Variants in ARHGAP26 observed in about 807,000 individuals in gnomAD.
ARHGAP26 encodes rho GTPase-activating protein 26.
A neutral mutation model predicts 104.8 loss-of-function variants in ARHGAP26; 38 were observed. The observed-to-expected ratio is 0.36, with a 90% CI of 0.28 to 0.48. The LOEUF (loss-of-function observed/expected upper bound fraction) is 0.48, where lower values mean the gene tolerates loss of function less well. Ranked by LOEUF, ARHGAP26 falls within the 20% of genes least tolerant of loss-of-function variation. ARHGAP26 has a pLI of 0.99. For missense variants in ARHGAP26, 704 were observed against 947.9 expected (o/e 0.74, Z 3.38); for synonymous variants, 341 against 340.0 (o/e 1.00, Z -0.03).
At chr5:142,951,678 C>A (rs557156895) in intron 11 of ARHGAP26, among the ~76,000 whole-genome samples, 2 of 152,154 alleles carry the variant, frequency 1.3e-5, no homozygotes, top group African/African-American at 2.4e-5. Context: ...AATAATCAGC[C>A]ACAACCTGGC....
At chr5:143,038,656 A>G (rs185947149) in intron 13 of ARHGAP26, among the ~76,000 whole-genome samples, 57 of 150,524 alleles carry the variant, frequency 3.8e-4, no homozygotes, top group African/African-American at 1.2e-3. Context: ...CTGACAATGC[A>G]ATGGAAATAC....
At position 143,041,948 on chromosome 5, in the gene ARHGAP26, A is replaced by C. The variant is rs1262619316; in HGVS notation, c.1285+58A>C. 2.1e-6 allele frequency: 3 copies of C among 1,455,952 alleles called. No homozygotes were observed. In the African/African-American group the frequency reaches 4.2e-5, roughly 20 times the overall value. 90.2% of individuals were successfully genotyped at this position (1,455,952 alleles called of 1,614,324 possible). The stretch of plus-strand genomic sequence containing the variant: ...CCTGGATGGGGGGCCCACTCTGAAA[A>C]GTCACCAGGTCTGTGAGTAGATACA... On this transcript the variant is annotated intron_variant, in intron 14 of 22. Transcript: ENST00000645722.
chr5:142,904,342 T>G (rs1433265000), intron 8 of ARHGAP26, among the ~76,000 whole-genome samples: 1 of 151,782 alleles, frequency 6.6e-6, no homozygotes, highest in Non-Finnish European at 1.5e-5. Flanking sequence ...ATACAAAAAG[T>G]AGCCAGGTGT....
intron 10 of ARHGAP26, among the ~76,000 whole-genome samples, chr5:142,931,187 C>G (rs1429993424): frequency 6.6e-6 from 1 of 152,200 alleles, no homozygotes; most frequent in African/African-American, 2.4e-5. Flanking sequence ...GAAAAATCCA[C>G]ATACATTTGA....
chr5:143,203,300 GCAAA>G (rs1159642598), intron 20 of ARHGAP26: 1 of 152,116 alleles, frequency 6.6e-6, no homozygotes, highest in East Asian at 1.9e-4. Flanking sequence ...CATTTATGTG[GCAAA>G]CAAACATATA....
At chr5:143,114,726 G>A (rs1483546879) in intron 17 of ARHGAP26, among the ~76,000 whole-genome samples, 4 of 152,136 alleles carry the variant, frequency 2.6e-5, no homozygotes, top group East Asian at 1.9e-4. Context: ...GCATTCCAAG[G>A]TCATGATCCA....
At chr5:142,981,432 G>C (rs1439294235) in intron 11 of ARHGAP26, among the ~76,000 whole-genome samples, 1 of 152,146 alleles carries the variant, frequency 6.6e-6, no homozygotes, top group Non-Finnish European at 1.5e-5. Flanking sequence ...AAATGCCCTG[G>C]TGGTCTTTCT....
intron 1 of ARHGAP26, among the ~76,000 whole-genome samples, chr5:142,802,614 G>C (rs1463185420): frequency 6.6e-6 from 1 of 152,176 alleles, no homozygotes; most frequent in South Asian, 2.1e-4. Context: ...AATTGTAATC[G>C]TCAGTTGAAG....
At chr5:143,151,408 A>C (rs911426232) in intron 20 of ARHGAP26, among the ~76,000 whole-genome samples, 3 of 152,202 alleles carry the variant, frequency 2.0e-5, no homozygotes, top group Non-Finnish European at 4.4e-5. Context: ...CAATCCAGCA[A>C]TCATGTTCTT....
intron 17 of ARHGAP26, among the ~76,000 whole-genome samples, chr5:143,078,755 T>G (rs1789396038): frequency 6.6e-6 from 1 of 152,216 alleles, no homozygotes; most frequent in African/African-American, 2.4e-5. Flanking sequence ...TGTGTCCAAC[T>G]GTGGTGAAAT....
rs573709990 is a variant in ARHGAP26 at position 143,227,858 on chromosome 5, G to GA, written c.*5422dup. The GA allele has an allele frequency of 9.0e-3, 1,817 of 202,248 alleles. 20 individuals carry two copies. Among genetic ancestry groups the GA allele is most frequent in the African/African-American group, 0.032 (1,353 of 42,678 alleles). 12.5% of individuals were successfully genotyped at this position (202,248 alleles called of 1,614,324 possible). On this transcript the variant is annotated 3_prime_UTR_variant, in exon 23 of 23. Coordinates refer to ENST00000645722, the MANE Select transcript of ARHGAP26 (RefSeq NM_001135608.3). ...GGATAAATATTATGCTTACTGAGGA[G>GA]AAAAAAAAAAGCGATCACAGAAAAA...
intron 8 of ARHGAP26, among the ~76,000 whole-genome samples, chr5:142,906,211 G>A (rs1388885687): frequency 6.6e-6 from 1 of 152,126 alleles, no homozygotes; most frequent in East Asian, 1.9e-4. Flanking sequence ...TGTAAATTTT[G>A]ATCACCCAGT....
At chr5:142,786,431 G>A (rs1387832196) in intron 1 of ARHGAP26, among the ~76,000 whole-genome samples, 5 of 151,960 alleles carry the variant, frequency 3.3e-5, no homozygotes, top group Non-Finnish European at 7.4e-5. Flanking sequence ...TGAGTAGCTG[G>A]GACTAGAGGA....
rs766387179 is a variant in ARHGAP26, at chr5:143,009,072, T to TC, written c.1108-5001dup. 2.0e-3 allele frequency among the ~76,000 whole-genome samples: 310 copies of TC among 152,048 alleles called. 6 individuals are homozygous for TC. Among genetic ancestry groups the TC allele is most frequent in the Admixed American group, 5.5e-3 (84 of 15,260 alleles). On this transcript the variant is annotated intron_variant, in intron 11 of 22. Coordinates refer to ENST00000645722, the MANE Select transcript of ARHGAP26 (RefSeq NM_001135608.3). Reference sequence around the variant, plus strand: ...TGTGATTTGTATCAAAGAGCTACTCTCCCCCCCTGGTGTTTATCGTCAGGA... The same window carrying TC: ...TGTGATTTGTATCAAAGAGCTACTCTCCCCCCCCTGGTGTTTATCGTCAGGA...
At chr5:142,858,204 T>G (rs765611144) in intron 1 of ARHGAP26, among the ~76,000 whole-genome samples, 2 of 152,122 alleles carry the variant, frequency 1.3e-5, no homozygotes. Flanking sequence ...TACCTGATGT[T>G]AATTGGCACG....
Position 142,770,677 on chromosome 5 carries a change from G to T in ARHGAP26, c.-85G>T. The T allele has an allele frequency of 1.0e-6, 1 of 993,654 alleles. No individual in the cohort carries two copies. 61.6% of individuals were successfully genotyped at this position (993,654 alleles called of 1,614,324 possible). On this transcript the variant is annotated 5_prime_UTR_variant, in exon 1 of 23. Coordinates refer to ENST00000645722, the MANE Select transcript of ARHGAP26 (RefSeq NM_001135608.3). ...CCGGCGGCCGTCGGGGGAGCCGGCC[G>T]GGGTCCCGCCGCGTGAGTGCTCTGG... is the stretch of plus-strand genomic sequence containing the variant.
intron 19 of ARHGAP26, among the ~76,000 whole-genome samples, chr5:143,143,831 C>T (rs1798844827): frequency 2.0e-5 from 3 of 152,304 alleles, no homozygotes; most frequent in African/African-American, 7.2e-5. Context: ...CCTTAAGGAC[C>T]AAGTTCACAT....
chr5:142,964,153 GA>G (rs1288846305), intron 11 of ARHGAP26, among the ~76,000 whole-genome samples: 1 of 152,158 alleles, frequency 6.6e-6, no homozygotes, highest in African/African-American at 2.4e-5. Flanking sequence ...TAAGACATAT[GA>G]TATTAAAATA....
chr5:142,829,258 C>T (rs1277990033), intron 1 of ARHGAP26, among the ~76,000 whole-genome samples: 1 of 152,202 alleles, frequency 6.6e-6, no homozygotes, highest in Non-Finnish European at 1.5e-5. Flanking sequence ...TCCTAGGTCA[C>T]ACCTGCTATC....
Sources: gnomAD v4.1 joint callset for allele counts (sites outside exome capture counted in the v4.1 genomes callset) on GRCh38, gnomAD v4.1.1 for gene constraint, MANE v1.5 for transcripts, NCBI Gene and HGNC (gene_info 2026-07-23, HGNC 2026-07-21) for gene names.